The following INF2 variants were observed in gnomAD, a reference collection of about 807,000 sequenced individuals.
INF2 encodes inverted formin 2.
A neutral mutation model predicts 123.5 loss-of-function variants in INF2; 43 were observed. The ratio of observed to expected loss-of-function variants is 0.35; its 90% CI spans 0.27 to 0.45. INF2 has a LOEUF of 0.45. INF2 is among the 20% of genes least tolerant of loss of function. INF2 has a pLI of 1.00. For synonymous variants in INF2, 851 were observed against 745.0 expected, an observed-to-expected ratio of 1.14 and a Z score of -2.32; for missense variants, 1,453 against 1,682.7, an observed-to-expected ratio of 0.86 and a Z score of 2.39.
intron 1 of INF2, among the ~76,000 whole-genome samples, chr14:104,682,228 C>T (rs368358142): frequency 1.3e-5 from 2 of 152,092 alleles, no homozygotes; most frequent in East Asian, 3.9e-4. Flanking sequence ...AGGCAGGAGG[C>T]AGCAGTGTGG....
intron 1 of INF2, among the ~76,000 whole-genome samples, chr14:104,683,467 G>A (rs897129624): frequency 1.5e-5 from 2 of 137,728 alleles, no homozygotes; most frequent in South Asian, 4.8e-4. Context: ...GGCAGGGAGG[G>A]AGGTGTTCAG....
rs558777324 is a variant in INF2 at position 104,721,215 on chromosome 14, T to C, written c.*2422T>C. ...CTGCGTAGTCTCGTGTGGATGCTGC[T>C]GTGGACGTCTGCGTCGTCCTCGTGT... On this transcript the variant is annotated 3_prime_UTR_variant, in exon 23 of 23. Coordinates refer to ENST00000392634, the MANE Select transcript of INF2 (RefSeq NM_022489.4). 1 of 128,740 alleles carries C rather than the reference T, an allele frequency of 7.8e-6. No individual in the cohort carries two copies. Among genetic ancestry groups the C allele is most frequent in the African/African-American group, 3.0e-5 (1 of 32,872 alleles). 8.0% of individuals were successfully genotyped at this position (128,740 alleles called of 1,614,324 possible).
intron 18 of INF2, 36 bp downstream of exon 18, chr14:104,713,028 A>G (rs1417218611): frequency 6.2e-7 from 1 of 1,611,150 alleles, no homozygotes; most frequent in South Asian, 1.1e-5. Flanking sequence ...CTGTCTGGCT[A>G]GAGTGGGGTC....
chr14:104,698,585 T>C (rs1023087607), intron 1 of INF2, among the ~76,000 whole-genome samples: 6 of 152,240 alleles, frequency 3.9e-5, no homozygotes, highest in Admixed American at 3.9e-4. Flanking sequence ...TCACAGAAGC[T>C]GTCAGTTATT....
chr14:104,695,729 T>C (rs1265155787), intron 1 of INF2, among the ~76,000 whole-genome samples: 1 of 151,910 alleles, frequency 6.6e-6, no homozygotes, highest in Non-Finnish European at 1.5e-5. Context: ...CCCAGGCCCA[T>C]TGTCTGCCCC....
upstream of INF2, among the ~76,000 whole-genome samples, chr14:104,686,886 C>T (rs149676137): frequency 2.0e-5 from 3 of 152,340 alleles, no homozygotes; most frequent in East Asian, 3.9e-4. Context: ...GCCTGCTCTC[C>T]CCTCATCCCA....
chr14:104,711,634 G>A lies in INF2; in HGVS notation c.2424G>A (p.Ala808=), dbSNP rs761313685. Residue 808 remains alanine, a synonymous_variant, in exon 16 of 23, where the codon GCG becomes GCA. Transcript: ENST00000392634. ...CTGGACGTGTCCCATTGCAGGAAGC[G>A]GAAAAGAGCCACCCCGACCTCCTGC... is the stretch of plus-strand genomic sequence containing the variant. ...VTLLHHVLEE[A]EKSHPDLLQL... 53 of 1,612,372 alleles carry A rather than the reference G, an allele frequency of 3.3e-5. No individual in the cohort carries two copies. The highest frequency in any genetic ancestry group is 1.9e-4 in the South Asian group (17 of 91,078).
intron 1 of INF2, among the ~76,000 whole-genome samples, chr14:104,700,001 G>A (rs1889396228): frequency 1.3e-5 from 2 of 152,120 alleles, no homozygotes; most frequent in Non-Finnish European, 2.9e-5. Flanking sequence ...GCTTGGTCGT[G>A]GACCAGGCTG....
At chr14:104,702,202 C>T (rs1327616360) in intron 2 of INF2, among the ~76,000 whole-genome samples, 1 of 152,150 alleles carries the variant, frequency 6.6e-6, no homozygotes, top group East Asian at 1.9e-4. Context: ...TGAGGTCTGG[C>T]CCACACCTAC....
At chr14:104,689,254 C>A (rs1002709840), upstream of INF2, 5 of 985,178 alleles carry the variant, frequency 5.1e-6, no homozygotes, top group African/African-American at 8.7e-5. Flanking sequence ...AGGTGAGCGG[C>A]GCCTGGGAGG....
At chr14:104,716,553 C>A (rs551689654) in intron 22 of INF2, among the ~76,000 whole-genome samples, 43 of 152,340 alleles carry the variant, frequency 2.8e-4, no homozygotes, top group Non-Finnish European at 1.5e-5. Flanking sequence ...GAAAGATGGA[C>A]GTGTCCAGTG....
At chr14:104,716,138 G>A (rs1359530928) in intron 22 of INF2, 2 of 357,898 alleles carry the variant, frequency 5.6e-6, no homozygotes, top group Non-Finnish European at 1.1e-5. Context: ...TGAGCTCTGT[G>A]AGCCCAGGTC....
chr14:104,687,768 A>G (rs3809456), upstream of INF2, among the ~76,000 whole-genome samples: 77,682 of 151,828 alleles, frequency 0.51, 19,944 homozygotes, highest in East Asian at 0.63. The surrounding 1 kb of genome is among the most constrained non-coding windows in gnomAD (Gnocchi z 5.6). Flanking sequence ...CTGACCTCCT[A>G]CTCCAGCCTC....
chr14:104,691,790 A>G (rs1353622119), intron 1 of INF2, among the ~76,000 whole-genome samples: 1 of 152,048 alleles, frequency 6.6e-6, no homozygotes, highest in Non-Finnish European at 1.5e-5. Flanking sequence ...CCCCTGTTAG[A>G]GAGGCTTCCA....
chr14:104,702,697 T>G (rs1180421543), intron 2 of INF2, among the ~76,000 whole-genome samples: 1 of 151,958 alleles, frequency 6.6e-6, no homozygotes, highest in Non-Finnish European at 1.5e-5. Context: ...CTCTATGGAG[T>G]CTTTTGTGAA....
intron 16 of INF2, 64 bp downstream of exon 16, chr14:104,711,763 A>G: frequency 6.7e-7 from 1 of 1,487,068 alleles, no homozygotes; most frequent in Non-Finnish European, 9.3e-7. Flanking sequence ...GTCCCCAGGC[A>G]GTGAGGTGGC....
At chr14:104,717,721 G>A (rs974920646) in intron 22 of INF2, 7 of 152,194 alleles carry the variant, frequency 4.6e-5, no homozygotes, top group African/African-American at 7.2e-5. Context: ...GGGTGGGGAC[G>A]TTTGTGGCAG....
chr14:104,689,927 G>A (rs2140591400), intron 1 of INF2, among the ~76,000 whole-genome samples, 188 bp downstream of exon 1: 1 of 151,946 alleles, frequency 6.6e-6, no homozygotes, highest in South Asian at 2.1e-4. Flanking sequence ...TGGCCCCCCC[G>A]GCTCCGCGCG....
chr14:104,682,436 C>T (rs548106206), intron 1 of INF2, among the ~76,000 whole-genome samples: 1 of 152,190 alleles, frequency 6.6e-6, no homozygotes, highest in Non-Finnish European at 1.5e-5. Context: ...GATAAGGTGC[C>T]CCAGATGAGC....
Sources: gnomAD v4.1 joint callset for allele counts (sites outside exome capture counted in the v4.1 genomes callset) on GRCh38, gnomAD v4.1.1 for gene constraint, Gnocchi (gnomAD v3.1) non-coding constraint, MANE v1.5 for transcripts, NCBI Gene and HGNC (gene_info 2026-07-23, HGNC 2026-07-21) for gene names.